Variants in CLIP2 observed in about 807,000 individuals in gnomAD.
The protein encoded by CLIP2 is CAP-Gly domain-containing linker protein 2.
Under a neutral mutation model 111.7 loss-of-function variants are expected in CLIP2, and 41 were observed. The ratio of observed to expected loss-of-function variants is 0.37; its 90% CI spans 0.29 to 0.48. The LOEUF (loss-of-function observed/expected upper bound fraction) is 0.48. CLIP2 is among the 20% of genes least tolerant of loss of function. The pLI, the probability that CLIP2 is intolerant of heterozygous loss-of-function variation, is 0.99. For synonymous variants in CLIP2, 660 were observed against 644.2 expected, an observed-to-expected ratio of 1.02 and a Z score of -0.37; for missense variants, 1,160 against 1,422.1, an observed-to-expected ratio of 0.82 and a Z score of 2.96.
intron 16 of CLIP2, 35 bp downstream of exon 16, chr7:74,401,602 G>C: frequency 1.3e-6 from 2 of 1,596,646 alleles, no homozygotes; most frequent in Non-Finnish European, 1.7e-6. Context: ...GGTCCCTCCC[G>C]TGCAGGCAGA....
At chr7:74,329,900 C>T (rs1789226930) in intron 2 of CLIP2, among the ~76,000 whole-genome samples, 1 of 152,142 alleles carries the variant, frequency 6.6e-6, no homozygotes, top group Non-Finnish European at 1.5e-5. Context: ...CTGCCTCAGC[C>T]TCCCGAGTAG....
chr7:74,378,159 G>T (rs1428305871), intron 10 of CLIP2, among the ~76,000 whole-genome samples: 1 of 145,652 alleles, frequency 6.9e-6, no homozygotes, highest in African/African-American at 2.6e-5. Flanking sequence ...ACAGGGTCTT[G>T]TTCTGTCTCC....
At chr7:74,305,469 G>A (rs1436107023) in intron 1 of CLIP2, among the ~76,000 whole-genome samples, 1 of 151,646 alleles carries the variant, frequency 6.6e-6, no homozygotes, top group East Asian at 1.9e-4. Flanking sequence ...TCCCCTCTCT[G>A]TCCCAGATCA....
In CLIP2 at chr7:74,397,657, G is replaced by GTTTTTTT. The variant is rs1221589920; in HGVS notation, c.2880+426_2880+432dup. 3.5e-5 allele frequency among the ~76,000 whole-genome samples: 4 copies of GTTTTTTT among 113,416 alleles called. 1 individual carries two copies. Among genetic ancestry groups the GTTTTTTT allele is most frequent in the Non-Finnish European group, 3.5e-5 (2 of 57,534 alleles). 74.4% of individuals were successfully genotyped at this position (113,416 alleles called of 152,430 possible). A position where few individuals can be genotyped will look rare whatever the true frequency, so the allele number is the denominator to read the frequency against. ...CAAGCCTGGGATTCTGGGTGGCTGAGTTTTTTTTGTTTTTTTTTTTTTTTT... is the reference window on the plus strand; with the variant it reads ...CAAGCCTGGGATTCTGGGTGGCTGAGTTTTTTTTTTTTTTTGTTTTTTTTTTTTTTTT... On this transcript the variant is annotated intron_variant, in intron 14 of 16. Transcript: ENST00000223398.
chr7:74,400,123 C>A (rs1791577616), intron 14 of CLIP2, among the ~76,000 whole-genome samples: 1 of 145,058 alleles, frequency 6.9e-6, no homozygotes, highest in Non-Finnish European at 1.5e-5. Flanking sequence ...GCACTCCAGC[C>A]TAGGTGATAG....
chr7:74,352,713 A>T lies in CLIP2; in HGVS notation c.679-1167A>T, dbSNP rs897462139. Among the ~76,000 whole-genome samples, 23 of 149,604 alleles carry T rather than the reference A, an allele frequency of 1.5e-4. No homozygotes were observed. The East Asian group carries it at 1.6e-3, about 10-fold the overall frequency. ...AACACTGTCTCAAAAAAAAAAAAAAATTTTTAGATATGGACCAGGTGTGGT... is the reference window on the plus strand; with the variant it reads ...AACACTGTCTCAAAAAAAAAAAAAATTTTTTAGATATGGACCAGGTGTGGT... On this transcript the variant is annotated intron_variant, in intron 3 of 16. Coordinates refer to ENST00000223398, the MANE Select transcript of CLIP2 (RefSeq NM_003388.5).
At chr7:74,352,538 A>G (rs1035862319) in intron 3 of CLIP2, among the ~76,000 whole-genome samples, 13 of 152,080 alleles carry the variant, frequency 8.5e-5, no homozygotes, top group Admixed American at 1.3e-4. Flanking sequence ...ACTACAATAC[A>G]TCATCCTCAT....
intron 1 of CLIP2, among the ~76,000 whole-genome samples, chr7:74,292,665 G>T (rs1788058734): frequency 6.6e-6 from 1 of 152,168 alleles, no homozygotes; most frequent in Admixed American, 6.6e-5. Context: ...TGGGATTACA[G>T]GCGTGAGCCA....
chr7:74,316,708 T>C (rs1584319646), intron 1 of CLIP2, among the ~76,000 whole-genome samples: 1 of 152,064 alleles, frequency 6.6e-6, no homozygotes. Flanking sequence ...ACTACAGGCA[T>C]GTGCTACTAA....
chr7:74,373,322 A>AC (rs1790689704), intron 9 of CLIP2, among the ~76,000 whole-genome samples: 3 of 151,884 alleles, frequency 2.0e-5, no homozygotes, highest in African/African-American at 7.3e-5. Context: ...ACATGGTGAA[A>AC]CCCCATCTCT....
At chr7:74,403,441 T>C (rs1791679294) in intron 16 of CLIP2, among the ~76,000 whole-genome samples, 1 of 152,024 alleles carries the variant, frequency 6.6e-6, no homozygotes, top group South Asian at 2.1e-4. Context: ...TGGTGGCGCA[T>C]GCCTGTTATC....
chr7:74,380,380 T>C (rs1790909591), intron 10 of CLIP2: 1 of 153,768 alleles, frequency 6.5e-6, no homozygotes, highest in African/African-American at 2.4e-5. Flanking sequence ...CCAAGCACGC[T>C]GTGCACACAC....
intron 3 of CLIP2, among the ~76,000 whole-genome samples, chr7:74,349,467 TG>T (rs1789912157): frequency 1.2e-5 from 1 of 80,950 alleles, no homozygotes; most frequent in African/African-American, 4.9e-5. Context: ...TGTGTGTGTG[TG>T]TGTATATATA....
At chr7:74,378,583 A>G (rs114276314) in intron 10 of CLIP2, among the ~76,000 whole-genome samples, 1,539 of 152,256 alleles carry the variant, frequency 0.01, 24 homozygotes, top group African/African-American at 0.035. Context: ...CTACAAAAAT[A>G]AAAAATTAGC....
At chr7:74,304,806 ATGG>A (rs1252787850) in intron 1 of CLIP2, among the ~76,000 whole-genome samples, 1 of 152,038 alleles carries the variant, frequency 6.6e-6, no homozygotes, top group Non-Finnish European at 1.5e-5. Flanking sequence ...TTAGCCGGAT[ATGG>A]TGGCATACAC....
intron 15 of CLIP2, 134 bp downstream of exon 15, chr7:74,400,689 T>C: frequency 2.3e-6 from 2 of 878,428 alleles, no homozygotes; most frequent in Non-Finnish European, 3.4e-6. Context: ...CCCAGGAACC[T>C]GGTCTGAAGG....
chr7:74,358,820 C>T (rs1477951820), intron 6 of CLIP2, among the ~76,000 whole-genome samples: 4 of 152,026 alleles, frequency 2.6e-5, no homozygotes, highest in Non-Finnish European at 5.9e-5. Flanking sequence ...ACCCTCCCAC[C>T]TTGGTCTCTC....
At chr7:74,366,934 A>G (rs555313452) in intron 8 of CLIP2, among the ~76,000 whole-genome samples, 12 of 151,020 alleles carry the variant, frequency 7.9e-5, no homozygotes, top group East Asian at 2.0e-4. Flanking sequence ...ATCTATTCCA[A>G]TCTAGCTTCC....
chr7:74,357,842 C>T (rs565061687), intron 6 of CLIP2, among the ~76,000 whole-genome samples: 1 of 151,780 alleles, frequency 6.6e-6, no homozygotes, highest in South Asian at 2.1e-4. Flanking sequence ...CTGCAACCTC[C>T]ACCTCCTCGG....
Sources: allele counts gnomAD v4.1 joint callset (sites outside exome capture counted in the v4.1 genomes callset), GRCh38; gene constraint gnomAD v4.1.1; transcripts MANE v1.5; gene names NCBI Gene and HGNC (gene_info 2026-07-23, HGNC 2026-07-21).